The following CTNNA2 variants were observed in gnomAD, a reference collection of about 807,000 sequenced individuals.
CTNNA2 encodes catenin alpha-2.
In CTNNA2, 42 loss-of-function variants were observed where a neutral mutation model predicts 101.0. The observed-to-expected ratio is 0.42, with a 90% CI of 0.32 to 0.54. The LOEUF (loss-of-function observed/expected upper bound fraction) is 0.54, where lower values mean the gene tolerates loss of function less well. Among genes scored for constraint, CTNNA2 ranks in the 20% least tolerant of loss-of-function variants. The probability of loss-of-function intolerance (pLI) is 0.14; values close to 1 mark genes in which losing one functional copy is unlikely to be tolerated. For synonymous variants in CTNNA2, 450 were observed against 456.4 expected (o/e 0.99, Z 0.18); for missense variants, 871 against 1,223.1 (o/e 0.71, Z 4.29).
chr2:80,516,912 G>T (rs1573101980), intron 9 of CTNNA2, among the ~76,000 whole-genome samples: 4 of 152,300 alleles, frequency 2.6e-5, no homozygotes, highest in Middle Eastern at 6.8e-3. Context: ...AATCAGAAGA[G>T]ATTTTTATTT....
At chr2:80,080,546 A>G (rs1438991466) in intron 7 of CTNNA2, among the ~76,000 whole-genome samples, 1 of 152,208 alleles carries the variant, frequency 6.6e-6, no homozygotes, top group African/African-American at 2.4e-5. Flanking sequence ...GCTTTGTGAC[A>G]TTGGGATAGG....
intron 2 of CTNNA2, among the ~76,000 whole-genome samples, chr2:79,219,643 C>A (rs2104218348): frequency 6.6e-6 from 1 of 152,164 alleles, no homozygotes; most frequent in Non-Finnish European, 1.5e-5. Context: ...CTGCAAGCAC[C>A]CTGGAAGTGG....
At chr2:80,546,494 G>T (rs1278127976) in intron 11 of CTNNA2, among the ~76,000 whole-genome samples, 1 of 152,148 alleles carries the variant, frequency 6.6e-6, no homozygotes, top group African/African-American at 2.4e-5. Context: ...ACAAGTGAAG[G>T]TTTGTGATAA....
At chr2:79,811,536 A>G (rs969649863) in intron 3 of CTNNA2, among the ~76,000 whole-genome samples, 3 of 152,168 alleles carry the variant, frequency 2.0e-5, no homozygotes, top group Non-Finnish European at 4.4e-5. Context: ...TCAATTGATC[A>G]TACATGTAAG....
At position 79,363,385 on chromosome 2, in the gene CTNNA2, A is replaced by C. The variant is rs1165395216; in HGVS notation, c.-317-10446A>C. Among the ~76,000 whole-genome samples, 4 of 152,212 alleles carry C rather than the reference A, an allele frequency of 2.6e-5. No individual in the cohort carries two copies. The South Asian group carries it at 8.3e-4, about 31-fold the overall frequency. On this transcript the variant is annotated intron_variant, in intron 3 of 21. Coordinates refer to the CTNNA2 transcript ENST00000466387. ...TAAATACAGCCACACTGGGGCTAAA[A>C]GCATCAACATGGATTTTTAAAAGGA...
chr2:80,152,869 A>G (rs1365869874), intron 7 of CTNNA2, among the ~76,000 whole-genome samples: 3 of 152,162 alleles, frequency 2.0e-5, no homozygotes, highest in African/African-American at 7.2e-5. Flanking sequence ...GATTGTTAAG[A>G]TTTGGGTAAC....
chr2:79,629,165 A>G (rs1401517778), intron 1 of CTNNA2, among the ~76,000 whole-genome samples: 1 of 152,010 alleles, frequency 6.6e-6, no homozygotes, highest in African/African-American at 2.4e-5. Flanking sequence ...TGTGAGAATC[A>G]TTTTTCTCGA....
intron 12 of CTNNA2, among the ~76,000 whole-genome samples, chr2:80,565,871 G>T (rs1479423909): frequency 6.6e-6 from 1 of 152,026 alleles, no homozygotes; most frequent in Non-Finnish European, 1.5e-5. Context: ...ACCCTGAAGG[G>T]CAATGATCAT....
intron 2 of CTNNA2, among the ~76,000 whole-genome samples, chr2:79,742,378 A>G (rs1392138189): frequency 6.6e-6 from 1 of 152,236 alleles, no homozygotes; most frequent in African/African-American, 2.4e-5. Flanking sequence ...GAAACATCTT[A>G]GAATTATGCA....
chr2:80,635,247 G>GA (rs1205734772), intron 18 of CTNNA2, among the ~76,000 whole-genome samples: 3 of 151,846 alleles, frequency 2.0e-5, no homozygotes, highest in Admixed American at 6.6e-5. Flanking sequence ...CAGTGACCAG[G>GA]AAAAAAGAAA....
At chr2:80,163,220 A>G (rs1704446588) in intron 7 of CTNNA2, 2 of 944,804 alleles carry the variant, frequency 2.1e-6, no homozygotes, top group Non-Finnish European at 3.4e-6. Flanking sequence ...GAACTAGCTT[A>G]TTATTATAGT....
At chr2:80,189,296 G>T (rs1706326127) in intron 7 of CTNNA2, among the ~76,000 whole-genome samples, 1 of 152,086 alleles carries the variant, frequency 6.6e-6, no homozygotes, top group Admixed American at 6.6e-5. Context: ...CAAGAGTACT[G>T]GGCCTGGTCA....
chr2:79,671,201 A>C (rs1344127441), intron 2 of CTNNA2, among the ~76,000 whole-genome samples: 1 of 152,140 alleles, frequency 6.6e-6, no homozygotes, highest in African/African-American at 2.4e-5. Flanking sequence ...ACTATATCTA[A>C]TGTGTTAAAA....
Position 80,619,321 on chromosome 2 carries a change from C to T in CTNNA2, c.2574+93C>T, listed in dbSNP as rs889822673. ...TGGATTTTAGGGAAATAAAAATGTG[C>T]CCACTGAAGGCCTCTTAATATTAAC... On this transcript the variant is annotated intron_variant, in intron 18 of 18. Transcript: ENST00000402739. 26 of 1,314,426 alleles carry T rather than the reference C, an allele frequency of 2.0e-5. No homozygotes were observed. The African/African-American group carries it at 3.6e-4, about 18-fold the overall frequency. 81.4% of individuals were successfully genotyped at this position (1,314,426 alleles called of 1,614,324 possible). A position where few individuals can be genotyped will look rare whatever the true frequency, so the allele number is the denominator to read the frequency against.
chr2:80,318,475 G>T (rs997399958), intron 7 of CTNNA2, among the ~76,000 whole-genome samples: 1 of 152,020 alleles, frequency 6.6e-6, no homozygotes, highest in African/African-American at 2.4e-5. Flanking sequence ...AGTAATTTAG[G>T]GGGTAAATTC....
chr2:79,909,243 T>G (rs1364115065), intron 6 of CTNNA2, among the ~76,000 whole-genome samples: 1 of 152,252 alleles, frequency 6.6e-6, no homozygotes, highest in Admixed American at 6.5e-5. Context: ...CTAAAATCTT[T>G]ATATAATTCC....
At chr2:79,437,957 G>A (rs1438534520) in intron 4 of CTNNA2, among the ~76,000 whole-genome samples, 2 of 151,984 alleles carry the variant, frequency 1.3e-5, no homozygotes, top group Non-Finnish European at 2.9e-5. Context: ...GGCTATGATG[G>A]TTTCTGTGCC....
rs1486035969 is a variant in CTNNA2, at chr2:79,431,874, C to T, written c.-135+57861C>T. Among the ~76,000 whole-genome samples, 3 of 152,198 alleles carry T rather than the reference C, an allele frequency of 2.0e-5. No individual in the cohort carries two copies. The East Asian group carries it at 5.8e-4, about 29-fold the overall frequency. On this transcript the variant is annotated intron_variant, in intron 4 of 21. Coordinates refer to the CTNNA2 transcript ENST00000466387. ...CGGTGAACTATAAGATGTTATCTTT[C>T]CTCACATACTCAATATGCAATTGTG... is the stretch of plus-strand genomic sequence containing the variant.
intron 7 of CTNNA2, among the ~76,000 whole-genome samples, chr2:80,181,985 C>T (rs755717386): frequency 6.6e-6 from 1 of 152,150 alleles, no homozygotes; most frequent in Non-Finnish European, 1.5e-5. Context: ...TTGGTGACAA[C>T]ATCTGTGTTA....
Sources: allele counts gnomAD v4.1 joint callset (sites outside exome capture counted in the v4.1 genomes callset), GRCh38; gene constraint gnomAD v4.1.1; transcripts MANE v1.5; gene names NCBI Gene and HGNC (gene_info 2026-07-23, HGNC 2026-07-21).